The following PCDHA7 variants were observed in gnomAD, a reference collection of about 807,000 sequenced individuals.
The protein encoded by PCDHA7 is protocadherin alpha 7.
A neutral mutation model predicts 57.2 loss-of-function variants in PCDHA7; 37 were observed. The observed-to-expected ratio is 0.65, with a 90% CI of 0.50 to 0.85. PCDHA7 has a LOEUF of 0.85. Among genes scored for constraint, PCDHA7 ranks in the 40% least tolerant of loss-of-function variants. PCDHA7 has a pLI of 0.00. For synonymous variants in PCDHA7, 553 were observed against 558.8 expected (o/e 0.99, Z 0.15); for missense variants, 1,188 against 1,241.8 (o/e 0.96, Z 0.65).
intron 1 of PCDHA7, chr5:140,870,529 G>C: frequency 6.2e-7 from 1 of 1,614,214 alleles, no homozygotes. Flanking sequence ...CATCTTCACA[G>C]TGTCGGCGCG....
intron 1 of PCDHA7, among the ~76,000 whole-genome samples, chr5:140,887,340 CCT>C (rs1554183026): frequency 1.3e-5 from 2 of 152,144 alleles, no homozygotes; most frequent in African/African-American, 4.8e-5. Flanking sequence ...TCGTGATCCA[CCT>C]GGCTCGGCCT....
At chr5:140,863,090 C>G (rs782806970) in intron 1 of PCDHA7, 1 of 575,070 alleles carries the variant, frequency 1.7e-6, no homozygotes, top group African/African-American at 1.9e-5. Flanking sequence ...GAGATCAGCA[C>G]GACGAGTACC....
intron 1 of PCDHA7, among the ~76,000 whole-genome samples, chr5:140,892,282 ACTT>A (rs1405766060): frequency 1.3e-5 from 2 of 152,178 alleles, no homozygotes; most frequent in African/African-American, 4.8e-5. Flanking sequence ...TGTATTAAAC[ACTT>A]CTTCCTGGAA....
At position 140,850,278 on chromosome 5, in the gene PCDHA7, C is replaced by A. The variant is rs2150477296; in HGVS notation, c.2355+13540C>A. On this transcript the variant is annotated intron_variant, in intron 1 of 3. Transcript: ENST00000525929. ...CGCCGGCGTAGTGGTGGGGAAGGTG[C>A]GCGCAGTGGACGCCGACTCGGGCTA... is the stretch of plus-strand genomic sequence containing the variant. 5 of 1,595,340 alleles carry A rather than the reference C, an allele frequency of 3.1e-6. 1 individual carries two copies. Among genetic ancestry groups the A allele is most frequent in the South Asian group, 1.1e-5 (1 of 90,456 alleles).
In PCDHA7 at chr5:140,882,469, G is replaced by C; in HGVS notation, c.2355+45731G>C. Reference sequence around the variant, plus strand: ...TGGTGCCGCGCCTGTTCCGGGTGGCGTCCAAAAGACACGGGGACCTTCTGG... The same window carrying C: ...TGGTGCCGCGCCTGTTCCGGGTGGCCTCCAAAAGACACGGGGACCTTCTGG... On this transcript the variant is annotated intron_variant, in intron 1 of 3. Coordinates refer to ENST00000525929, the MANE Select transcript of PCDHA7 (RefSeq NM_018910.3). The C allele has an allele frequency of 1.2e-6, 2 of 1,614,032 alleles. 1 individual carries two copies. Among genetic ancestry groups the C allele is most frequent in the South Asian group, 2.2e-5 (2 of 91,072 alleles).
chr5:140,879,816 G>C (rs1232945342), intron 1 of PCDHA7, among the ~76,000 whole-genome samples: 9 of 152,196 alleles, frequency 5.9e-5, no homozygotes, highest in African/African-American at 2.2e-4. Flanking sequence ...TTGGCTGTTG[G>C]TGTTCCCTGG....
At chr5:140,915,105 C>T (rs1554196760) in intron 1 of PCDHA7, among the ~76,000 whole-genome samples, 1 of 152,020 alleles carries the variant, frequency 6.6e-6, no homozygotes, top group East Asian at 1.9e-4. Flanking sequence ...ACCACCACAA[C>T]ACCCACCTAA....
In PCDHA7 at chr5:140,848,285, C is replaced by A. The variant is rs2150408028; in HGVS notation, c.2355+11547C>A. On this transcript the variant is annotated intron_variant, in intron 1 of 3. Coordinates refer to ENST00000525929, the MANE Select transcript of PCDHA7 (RefSeq NM_018910.3). ...TTTATTCATGAAATATGTACTTACA[C>A]TTTGGGCCACGTGATGTCACTCTTT... 1.5e-5 allele frequency: 9 copies of A among 616,904 alleles called. 3 individuals are homozygous for A. The highest frequency in any genetic ancestry group is 2.6e-5 in the Non-Finnish European group (9 of 351,312). 38.2% of individuals were successfully genotyped at this position (616,904 alleles called of 1,614,324 possible).
At position 140,836,704 on chromosome 5, in the gene PCDHA7, C is replaced by T. The variant is rs189142588; in HGVS notation, c.2321C>T (p.Pro774Leu). 6.2e-7 allele frequency: 1 copy of T among 1,613,294 alleles called. No individual in the cohort carries two copies. Among genetic ancestry groups the T allele is most frequent in the Admixed American group, 1.7e-5 (1 of 59,984 alleles). ...AAGACAGACCTCATGGCCTTCAGTC[C>T]CAGCCTTCCTCAGGGTCCATCCTCT... Reference protein sequence around the residue: ...PPKTDLMAFSPSLPQGPSSTD... With the variant: ...PPKTDLMAFSLSLPQGPSSTD... The change falls in exon 1 of 4, where the codon CCC (proline) becomes CTC (leucine). Residue 774 changes from proline to leucine, a missense_variant. Physicochemically the swap from Pro to Leu is moderately conservative, Grantham distance 98. Coordinates refer to ENST00000525929, the MANE Select transcript of PCDHA7 (RefSeq NM_018910.3).
intron 1 of PCDHA7, chr5:140,967,333 C>T (rs113984883): frequency 1.9e-6 from 3 of 1,608,148 alleles, no homozygotes; most frequent in Admixed American, 1.7e-5. Context: ...AGCTCAGCCC[C>T]AGCGAGCACT....
intron 1 of PCDHA7, among the ~76,000 whole-genome samples, chr5:140,914,395 C>G (rs781878941): frequency 6.6e-6 from 1 of 152,082 alleles, no homozygotes; most frequent in African/African-American, 2.4e-5. Context: ...TGTAGTTACC[C>G]CTGCTCCTGT....
At position 140,859,521 on chromosome 5, in the gene PCDHA7, A is replaced by T. The variant is rs187641727; in HGVS notation, c.2355+22783A>T. 138 of 194,130 alleles carry T rather than the reference A, an allele frequency of 7.1e-4. 7 individuals are homozygous for T. The highest frequency in any genetic ancestry group is 1.9e-3 in the East Asian group (11 of 5,678). 12.0% of individuals were successfully genotyped at this position (194,130 alleles called of 1,614,324 possible). A position where few individuals can be genotyped will look rare whatever the true frequency, so the allele number is the denominator to read the frequency against. On this transcript the variant is annotated intron_variant, in intron 1 of 3. Coordinates refer to ENST00000525929, the MANE Select transcript of PCDHA7 (RefSeq NM_018910.3). ...ACCTGATACCCATGATTTCATTTTTAAAAAAAATTTATTAATTCTAGTGTT... is the reference window on the plus strand; with the variant it reads ...ACCTGATACCCATGATTTCATTTTTTAAAAAAATTTATTAATTCTAGTGTT...
At chr5:140,931,675 A>G (rs2087672558) in intron 1 of PCDHA7, among the ~76,000 whole-genome samples, 1 of 151,968 alleles carries the variant, frequency 6.6e-6, no homozygotes, top group Admixed American at 6.5e-5. Context: ...TTCCTTATAA[A>G]TAAATGAATT....
chr5:141,000,413 A>T (rs1563651324), intron 3 of PCDHA7, among the ~76,000 whole-genome samples: 4 of 93,212 alleles, frequency 4.3e-5, no homozygotes, highest in African/African-American at 1.8e-4. Flanking sequence ...ATATATATAT[A>T]TATATATATT....
intron 1 of PCDHA7, chr5:140,869,203 T>C: frequency 6.2e-7 from 1 of 1,614,000 alleles, no homozygotes; most frequent in Non-Finnish European, 8.5e-7. Flanking sequence ...GCTCCACTAC[T>C]CCGTCTCGGA....
At chr5:140,883,825 G>T in intron 1 of PCDHA7, 1 of 1,612,576 alleles carries the variant, frequency 6.2e-7, no homozygotes, top group South Asian at 1.1e-5. Context: ...AGGTGTACGC[G>T]CTGCAGCCGT....
intron 1 of PCDHA7, chr5:140,843,106 C>T: frequency 1.9e-6 from 3 of 1,595,704 alleles, no homozygotes; most frequent in Non-Finnish European, 2.6e-6. Context: ...CGAAGGTGCG[C>T]GCAGTGGACG....
At chr5:140,929,376 G>C in intron 1 of PCDHA7, 1 of 1,513,958 alleles carries the variant, frequency 6.6e-7, no homozygotes, top group Non-Finnish European at 8.8e-7. Flanking sequence ...ATGGCTGCTA[G>C]CTGTGTTTTG....
At chr5:141,002,052 G>GGCA (rs1217531547) in intron 3 of PCDHA7, among the ~76,000 whole-genome samples, 1 of 152,206 alleles carries the variant, frequency 6.6e-6, no homozygotes, top group Non-Finnish European at 1.5e-5. Flanking sequence ...GGCATCCAGA[G>GGCA]GCAGCAGCAG....
Sources: allele counts gnomAD v4.1 joint callset (sites outside exome capture counted in the v4.1 genomes callset), GRCh38; gene constraint gnomAD v4.1.1; transcripts MANE v1.5; gene names NCBI Gene and HGNC (gene_info 2026-07-23, HGNC 2026-07-21).